The following PISD variants were observed in gnomAD, a reference collection of about 807,000 sequenced individuals.
PISD encodes the protein phosphatidylserine decarboxylase proenzyme, mitochondrial.
PISD carries 31 observed loss-of-function variants against 43.5 expected under a neutral mutation model. The observed-to-expected ratio is 0.71, with a 90% CI of 0.54 to 0.96. The LOEUF is 0.96. Ranked by LOEUF, PISD falls within the 40% of genes least tolerant of loss-of-function variation. The pLI is 0.00. For synonymous variants in PISD, 259 were observed against 228.7 expected (o/e 1.13, Z -1.20); for missense variants, 523 against 548.4 (o/e 0.95, Z 0.46).
chr22:31,628,741 C>A (rs2073040804), intron 3 of PISD: 8 of 754,132 alleles, frequency 1.1e-5, no homozygotes, highest in Non-Finnish European at 1.3e-5. Flanking sequence ...CTCCTGGCCA[C>A]CCCCTTGAGG....
At position 31,630,760 on chromosome 22, in the gene PISD, C is replaced by G; in HGVS notation, c.322-8875G>C. 1.0e-6 allele frequency: 1 copy of G among 985,626 alleles called. No individual in the cohort carries two copies. The highest frequency in any genetic ancestry group is 1.2e-6 in the Non-Finnish European group (1 of 830,072). The allele number at this position is 985,626 out of a possible 1,614,324, so 61.1% of individuals were successfully genotyped here. A position where few individuals can be genotyped will look rare whatever the true frequency, so the allele number is the denominator to read the frequency against. ...GTGGGGCGCCTCCCTGAGAAGTCAC[C>G]TGGGGCTCCCGGCAGGGCCGGGGCG... On this transcript the variant is annotated intron_variant, in intron 3 of 7. Transcript: ENST00000439502. The surrounding 1 kb of genome is among the most constrained non-coding windows in gnomAD (Gnocchi z 4.4).
At chr22:31,640,880 G>GTTTTTTTTTTTTTCTTTT (rs2073691244) in intron 3 of PISD, among the ~76,000 whole-genome samples, 1 of 24,596 alleles carries the variant, frequency 4.1e-5, no homozygotes, top group East Asian at 1.5e-3. Flanking sequence ...CACACCCGGT[G>GTTTTTTTTTTTTTCTTTT]TTTTTTTTTT....
At chr22:31,647,471 A>G (rs2073917165) in intron 3 of PISD, among the ~76,000 whole-genome samples, 1 of 152,186 alleles carries the variant, frequency 6.6e-6, no homozygotes, top group Non-Finnish European at 1.5e-5. Flanking sequence ...TGGTCCTTTG[A>G]TATTTCAGAT....
At chr22:31,619,879 G>T in intron 7 of PISD, 43 bp from the exon 8 acceptor site, 2 of 1,314,202 alleles carry the variant, frequency 1.5e-6, no homozygotes, top group Non-Finnish European at 2.2e-6. Context: ...AGGCCACCAA[G>T]TGCACAGTGT....
chr22:31,633,858 A>C (rs1261070362), intron 3 of PISD, among the ~76,000 whole-genome samples: 1 of 152,198 alleles, frequency 6.6e-6, no homozygotes, highest in East Asian at 1.9e-4. Context: ...TTGAACAATC[A>C]CTTACAAGTG....
chr22:31,646,867 G>A (rs1288718391), intron 3 of PISD, among the ~76,000 whole-genome samples: 1 of 151,884 alleles, frequency 6.6e-6, no homozygotes, highest in Non-Finnish European at 1.5e-5. Flanking sequence ...TATAGTACCG[G>A]AAAACTTTTT....
intron 3 of PISD, among the ~76,000 whole-genome samples, chr22:31,640,513 G>A (rs1230190074): frequency 6.8e-6 from 1 of 147,296 alleles, no homozygotes; most frequent in Non-Finnish European, 1.5e-5. Flanking sequence ...ACCCTTTCTA[G>A]AGACATCATT....
At chr22:31,629,187 C>G (rs139636147) in intron 3 of PISD, 13 of 985,348 alleles carry the variant, frequency 1.3e-5, no homozygotes, top group Non-Finnish European at 1.6e-5. Flanking sequence ...CCAGGCCAGG[C>G]AGCAGTTACT....
chr22:31,633,716 A>AAAACAAACAAAC (rs111689818), intron 3 of PISD, among the ~76,000 whole-genome samples: 2 of 151,806 alleles, frequency 1.3e-5, no homozygotes, highest in Admixed American at 1.3e-4. Context: ...CTCGTCTCAA[A>AAAACAAACAAAC]AAACAAACAA....
In PISD at chr22:31,619,480, G is replaced by C. The variant is rs775159475; in HGVS notation, c.*132C>G. On this transcript the variant is annotated 3_prime_UTR_variant, in exon 8 of 8. Transcript: ENST00000439502. The stretch of plus-strand genomic sequence containing the variant: ...AACAGGTGGTAGCCGAATCATTCAA[G>C]TCCTACCTGGTCAGACTCCCAACCA... 27 of 725,070 alleles carry C rather than the reference G, an allele frequency of 3.7e-5. No individual in the cohort carries two copies. The African/African-American group carries it at 4.7e-4, about 13-fold the overall frequency. The allele number at this position is 725,070 out of a possible 1,614,324, so 44.9% of individuals were successfully genotyped here.
At chr22:31,641,496 C>G (rs2073724386) in intron 3 of PISD, among the ~76,000 whole-genome samples, 1 of 152,130 alleles carries the variant, frequency 6.6e-6, no homozygotes, top group South Asian at 2.1e-4. Context: ...GTTCATTATG[C>G]TACTCAGAAC....
chr22:31,655,271 CA>C (rs1311063070), intron 1 of PISD, among the ~76,000 whole-genome samples: 1 of 150,138 alleles, frequency 6.7e-6, no homozygotes, highest in Non-Finnish European at 1.5e-5. Flanking sequence ...CACAACAGGT[CA>C]AAAAAAGGTA....
chr22:31,660,049 C>T (rs887986588), intron 1 of PISD, among the ~76,000 whole-genome samples: 2 of 152,154 alleles, frequency 1.3e-5, no homozygotes, highest in Non-Finnish European at 2.9e-5. Context: ...TATCACCTGT[C>T]ACACATCACC....
chr22:31,641,158 G>C (rs1601409226), intron 3 of PISD, among the ~76,000 whole-genome samples: 1 of 151,926 alleles, frequency 6.6e-6, no homozygotes, highest in East Asian at 1.9e-4. Flanking sequence ...TCAACTAACG[G>C]ATAAAAGATT....
intron 3 of PISD, among the ~76,000 whole-genome samples, chr22:31,640,293 G>T (rs376876458): frequency 6.6e-6 from 1 of 151,320 alleles, no homozygotes. Flanking sequence ...CTACCTCCTG[G>T]CTCAAGCAAT....
intron 3 of PISD, chr22:31,638,565 A>G (rs937357401): frequency 1.0e-6 from 1 of 985,068 alleles, no homozygotes; most frequent in African/African-American, 1.7e-5. Context: ...TAGTAAGGAC[A>G]CCCGCAGGCC....
chr22:31,662,511 T>A (rs1569495185), upstream of PISD: 1 of 476,724 alleles, frequency 2.1e-6, no homozygotes, highest in Non-Finnish European at 3.9e-6. Flanking sequence ...GATCCAAGAA[T>A]GTCGTTTCAA....
intron 6 of PISD, 25 bp from the exon 7 acceptor site, chr22:31,620,738 C>T (rs759469362): frequency 1.2e-6 from 2 of 1,613,314 alleles, no homozygotes; most frequent in South Asian, 2.2e-5. Flanking sequence ...AATGCCGCTA[C>T]TCCCCGTCCA....
At chr22:31,633,234 C>T (rs1213949252) in intron 3 of PISD, among the ~76,000 whole-genome samples, 1 of 152,110 alleles carries the variant, frequency 6.6e-6, no homozygotes, top group Non-Finnish European at 1.5e-5. Context: ...AAAACCAAGC[C>T]CCAGTTAGAC....
Sources: allele counts gnomAD v4.1 joint callset (sites outside exome capture counted in the v4.1 genomes callset), GRCh38; gene constraint gnomAD v4.1.1; non-coding constraint Gnocchi (gnomAD v3.1); transcripts MANE v1.5; gene names NCBI Gene and HGNC (gene_info 2026-07-23, HGNC 2026-07-21).